The following MPPED2 variants were observed in gnomAD, a reference collection of about 807,000 sequenced individuals.
The protein encoded by MPPED2 is metallophosphoesterase domain containing 2.
A neutral mutation model predicts 33.0 loss-of-function variants in MPPED2; 5 were observed. The ratio of observed to expected loss-of-function variants is 0.15; its 90% confidence interval spans 0.08 to 0.32. MPPED2 has a LOEUF of 0.32. MPPED2 is among the 10% of genes least tolerant of loss of function. The pLI, the probability that MPPED2 is intolerant of heterozygous loss-of-function variation, is 1.00. For missense variants in MPPED2, 275 were observed against 372.1 expected (o/e 0.74, Z 2.15); for synonymous variants, 136 against 141.9 (o/e 0.96, Z 0.29).
intron 4 of MPPED2, among the ~76,000 whole-genome samples, chr11:30,448,230 C>T (rs994415093): frequency 2.6e-5 from 4 of 152,162 alleles, no homozygotes; most frequent in Non-Finnish European, 5.9e-5. Context: ...CACATCAAAC[C>T]CTACGCATGT....
intron 2 of MPPED2, among the ~76,000 whole-genome samples, chr11:30,550,055 C>G (rs1373724077): frequency 6.6e-6 from 1 of 152,140 alleles, no homozygotes; most frequent in East Asian, 1.9e-4. Context: ...GAAGACAGTG[C>G]TAATGACTCA....
At chr11:30,407,733 C>T (rs576298909), downstream of MPPED2, among the ~76,000 whole-genome samples, 11 of 151,978 alleles carry the variant, frequency 7.2e-5, no homozygotes, top group East Asian at 3.9e-4. Flanking sequence ...TAGCTGGGCG[C>T]GGTGGCACGA....
chr11:30,582,801 A>G (rs1421778496), intron 1 of MPPED2, among the ~76,000 whole-genome samples: 2 of 152,180 alleles, frequency 1.3e-5, no homozygotes, highest in South Asian at 2.1e-4. Flanking sequence ...TGCCCCAGTA[A>G]GACAAATAGA....
chr11:30,424,009 G>A (rs1268507268), intron 4 of MPPED2, among the ~76,000 whole-genome samples: 2 of 152,164 alleles, frequency 1.3e-5, no homozygotes, highest in Admixed American at 6.5e-5. Context: ...TCACTTTTGA[G>A]TGGAAGTTTT....
At chr11:30,543,960 A>G (rs917847603) in intron 2 of MPPED2, among the ~76,000 whole-genome samples, 6 of 152,130 alleles carry the variant, frequency 3.9e-5, no homozygotes, top group Non-Finnish European at 5.9e-5. Flanking sequence ...TAACTGCTGA[A>G]CTGCTGTATC....
intron 4 of MPPED2, among the ~76,000 whole-genome samples, chr11:30,474,849 A>T (rs1226536630): frequency 6.6e-6 from 1 of 152,184 alleles, no homozygotes; most frequent in Non-Finnish European, 1.5e-5. Flanking sequence ...TTGATGTCTT[A>T]TTACTTGCAG....
intron 4 of MPPED2, among the ~76,000 whole-genome samples, chr11:30,478,033 C>T (rs556681592): frequency 1.3e-5 from 2 of 151,984 alleles, no homozygotes; most frequent in Non-Finnish European, 2.9e-5. Flanking sequence ...AGAGTATGGG[C>T]TGTCTGTCAG....
intron 5 of MPPED2, 102 bp from the exon 6 acceptor site, chr11:30,414,443 T>G: frequency 1.3e-6 from 1 of 744,772 alleles, no homozygotes; most frequent in Non-Finnish European, 2.4e-6. Context: ...TATTACATTA[T>G]CTGTAATCCT....
intron 4 of MPPED2, among the ~76,000 whole-genome samples, chr11:30,448,976 A>G (rs480640): frequency 0.57 from 86,642 of 151,788 alleles, 26,315 homozygotes; most frequent in African/African-American, 0.81. Context: ...TTTTAACCAC[A>G]TGCTGTATGT....
chr11:30,482,644 A>G (rs1258033060), intron 4 of MPPED2, among the ~76,000 whole-genome samples: 1 of 152,216 alleles, frequency 6.6e-6, no homozygotes, highest in East Asian at 1.9e-4. Context: ...ATTTGATGCA[A>G]TATTTTCAGA....
rs190961834 is a variant in MPPED2, at chr11:30,475,801, T to C, written c.536+19495A>G. On this transcript the variant is annotated intron_variant, in intron 4 of 6. Transcript: ENST00000358117. ...CAGAATGGCTAGGTTGTACAGTAGA[T>C]GTGGGTTGACTTTTTAAGAAACTGC... is the stretch of plus-strand genomic sequence containing the variant. Among the ~76,000 whole-genome samples the C allele has an allele frequency of 1.2e-3, 181 of 152,226 alleles. 1 individual carries two copies. The highest frequency in any genetic ancestry group is 0.011 in the Admixed American group (170 of 15,284).
intron 3 of MPPED2, among the ~76,000 whole-genome samples, chr11:30,532,532 C>A (rs1350824727): frequency 6.6e-6 from 1 of 152,140 alleles, no homozygotes; most frequent in African/African-American, 2.4e-5. Context: ...GTATACAGGC[C>A]AGAGGTTGTT....
At chr11:30,515,976 G>T (rs1953511072) in intron 3 of MPPED2, among the ~76,000 whole-genome samples, 1 of 152,124 alleles carries the variant, frequency 6.6e-6, no homozygotes, top group Non-Finnish European at 1.5e-5. Flanking sequence ...CATTCATAGA[G>T]CATGAATATG....
chr11:30,556,457 G>A (rs571201857), intron 2 of MPPED2, among the ~76,000 whole-genome samples: 1 of 152,286 alleles, frequency 6.6e-6, no homozygotes, highest in Admixed American at 6.5e-5. Flanking sequence ...TTTACCTCAT[G>A]CTTCTTCATG....
intron 4 of MPPED2, among the ~76,000 whole-genome samples, chr11:30,494,797 G>T (rs367971546): frequency 8.2e-6 from 1 of 121,326 alleles, no homozygotes; most frequent in Non-Finnish European, 1.8e-5. Context: ...GAAAAGAAAA[G>T]AAAATATTGG....
At chr11:30,534,146 G>C (rs915963061) in intron 3 of MPPED2, among the ~76,000 whole-genome samples, 1 of 152,144 alleles carries the variant, frequency 6.6e-6, no homozygotes, top group African/African-American at 2.4e-5. Flanking sequence ...AAGGTCAGTG[G>C]CTAAACAAGA....
chr11:30,406,198 C>G (rs188500426), downstream of MPPED2, among the ~76,000 whole-genome samples: 17 of 152,288 alleles, frequency 1.1e-4, no homozygotes, highest in Admixed American at 8.5e-4. Flanking sequence ...TCTGAGGTTT[C>G]TTTCAAATAA....
chr11:30,531,275 A>G (rs1464671421), intron 3 of MPPED2, among the ~76,000 whole-genome samples: 1 of 152,210 alleles, frequency 6.6e-6, no homozygotes, highest in African/African-American at 2.4e-5. Flanking sequence ...CTGACCCTAG[A>G]CTAGATGCCC....
chr11:30,467,601 G>A lies in MPPED2; in HGVS notation c.536+27695C>T, dbSNP rs561749287. On this transcript the variant is annotated intron_variant, in intron 4 of 6. Coordinates refer to ENST00000358117, the MANE Select transcript of MPPED2 (RefSeq NM_001584.3). ...GGATCTCCCCCAGGCCCTGGGCTGG[G>A]AGCCAAGGTCGAGTGAACCCCCATT... Among the ~76,000 whole-genome samples the A allele has an allele frequency of 4.6e-5, 7 of 152,256 alleles. No homozygotes were observed. In the South Asian group the frequency reaches 1.5e-3, roughly 32 times the overall value.
Sources: gnomAD v4.1 joint callset for allele counts (sites outside exome capture counted in the v4.1 genomes callset) on GRCh38, gnomAD v4.1.1 for gene constraint, MANE v1.5 for transcripts, NCBI Gene and HGNC (gene_info 2026-07-23, HGNC 2026-07-21) for gene names.